The following SORCS3 variants were observed in gnomAD, a reference collection of about 807,000 sequenced individuals.
SORCS3 encodes VPS10 domain-containing receptor SorCS3.
In SORCS3, 57 loss-of-function variants were observed where a neutral mutation model predicts 146.3. The observed-to-expected ratio is 0.39, with a 90% CI of 0.31 to 0.49. SORCS3 has a LOEUF of 0.49. Among genes scored for constraint, SORCS3 ranks in the 20% least tolerant of loss-of-function variants. SORCS3 has a pLI of 0.92. For missense variants in SORCS3, 1,341 were observed against 1,575.5 expected, an observed-to-expected ratio of 0.85 and a Z score of 2.52; for synonymous variants, 653 against 618.5, an observed-to-expected ratio of 1.06 and a Z score of -0.83.
chr10:105,163,883 TACACACACACACACACAC>T (rs67886313), intron 11 of SORCS3, among the ~76,000 whole-genome samples: 4 of 138,714 alleles, frequency 2.9e-5, no homozygotes, highest in Non-Finnish European at 4.9e-5. Context: ...GTTACGCACA[TACACACACACACACACAC>T]ACACACACAC....
intron 16 of SORCS3, 131 bp downstream of exon 16, chr10:105,201,384 GC>G: frequency 8.8e-7 from 1 of 1,136,768 alleles, no homozygotes. Context: ...TGGCCTGTGG[GC>G]CCATCCATCC....
intron 26 of SORCS3, among the ~76,000 whole-genome samples, chr10:105,262,941 A>G (rs1376210261): frequency 6.6e-6 from 1 of 152,102 alleles, no homozygotes; most frequent in South Asian, 2.1e-4. Context: ...ATTCATTTCT[A>G]TTTCTGTGTA....
intron 2 of SORCS3, among the ~76,000 whole-genome samples, chr10:104,912,348 A>C (rs1240318390): frequency 6.6e-6 from 1 of 152,242 alleles, no homozygotes; most frequent in Non-Finnish European, 1.5e-5. Context: ...ACTTGGATTA[A>C]TAAAAATGCA....
chr10:104,976,758 A>G (rs1188255768), intron 3 of SORCS3, among the ~76,000 whole-genome samples: 2 of 152,240 alleles, frequency 1.3e-5, no homozygotes, highest in African/African-American at 2.4e-5. Context: ...TGTCCTTTGT[A>G]GGGACATGGA....
At chr10:104,657,452 C>G (rs1023450088) in intron 1 of SORCS3, among the ~76,000 whole-genome samples, 1 of 152,178 alleles carries the variant, frequency 6.6e-6, no homozygotes, top group Non-Finnish European at 1.5e-5. Flanking sequence ...AAGTGAGGCT[C>G]ACCTGTATTT....
intron 2 of SORCS3, among the ~76,000 whole-genome samples, chr10:104,901,134 CCAT>C (rs1057040742): frequency 3.3e-5 from 5 of 152,118 alleles, no homozygotes; most frequent in South Asian, 2.1e-4. Flanking sequence ...GACATTGTCA[CCAT>C]CATCATCATA....
intron 3 of SORCS3, among the ~76,000 whole-genome samples, chr10:104,976,719 A>T (rs1157626149): frequency 6.6e-6 from 1 of 152,270 alleles, no homozygotes; most frequent in Non-Finnish European, 1.5e-5. Context: ...ACCATGGAAT[A>T]CTATGCAGCC....
chr10:105,033,978 A>C (rs1010793137), intron 4 of SORCS3, among the ~76,000 whole-genome samples: 2 of 152,204 alleles, frequency 1.3e-5, no homozygotes, highest in African/African-American at 4.8e-5. Flanking sequence ...TCATTCAGCA[A>C]ATAGTCATTG....
intron 1 of SORCS3, among the ~76,000 whole-genome samples, chr10:104,739,087 A>G (rs1231207786): frequency 2.0e-5 from 3 of 152,192 alleles, no homozygotes; most frequent in Non-Finnish European, 2.9e-5. Flanking sequence ...AGACTCAAAC[A>G]TACACAAACC....
chr10:105,082,863 T>C (rs1423650990), intron 5 of SORCS3, among the ~76,000 whole-genome samples: 1 of 152,130 alleles, frequency 6.6e-6, no homozygotes, highest in Admixed American at 6.6e-5. Flanking sequence ...CCTGAGTAGC[T>C]GGGATTACAT....
intron 4 of SORCS3, among the ~76,000 whole-genome samples, chr10:105,032,451 T>C (rs921126327): frequency 2.0e-5 from 3 of 152,200 alleles, no homozygotes; most frequent in Admixed American, 1.3e-4. Context: ...TTTCCTTTTT[T>C]ACTCCTCTGA....
intron 3 of SORCS3, among the ~76,000 whole-genome samples, chr10:104,972,818 A>G (rs921762645): frequency 6.6e-6 from 1 of 152,072 alleles, no homozygotes; most frequent in Admixed American, 6.6e-5. Context: ...TCAGTATGAT[A>G]TTGGCTGTGG....
chr10:104,682,418 G>A (rs1213922564), intron 1 of SORCS3, among the ~76,000 whole-genome samples: 1 of 152,224 alleles, frequency 6.6e-6, no homozygotes, highest in Non-Finnish European at 1.5e-5. Flanking sequence ...TGTAAAAAGG[G>A]GTTAATGATG....
chr10:105,219,073 A>C (rs1002545653), intron 19 of SORCS3, among the ~76,000 whole-genome samples: 43 of 152,310 alleles, frequency 2.8e-4, no homozygotes, highest in African/African-American at 1.0e-3. Flanking sequence ...GGCTGTGAGA[A>C]TCAAACTGGA....
chr10:104,894,931 A>C (rs1028043958), intron 2 of SORCS3, among the ~76,000 whole-genome samples: 2 of 152,144 alleles, frequency 1.3e-5, no homozygotes, highest in African/African-American at 4.8e-5. Context: ...CTCATGGGAG[A>C]GGCTAGAGCT....
intron 4 of SORCS3, among the ~76,000 whole-genome samples, chr10:104,981,036 G>A (rs1041083501): frequency 3.3e-5 from 5 of 150,600 alleles, no homozygotes; most frequent in Non-Finnish European, 7.4e-5. Context: ...CTGCAAAGGG[G>A]TGGGGGGCAG....
At chr10:105,112,426 G>T (rs911325653) in intron 7 of SORCS3, among the ~76,000 whole-genome samples, 1 of 152,098 alleles carries the variant, frequency 6.6e-6, no homozygotes, top group Non-Finnish European at 1.5e-5. Flanking sequence ...AGAAAAGGGC[G>T]AGCTTTTTCA....
intron 20 of SORCS3, among the ~76,000 whole-genome samples, 199 bp downstream of exon 20, chr10:105,223,448 A>G (rs1330497242): frequency 6.6e-6 from 1 of 152,190 alleles, no homozygotes; most frequent in Non-Finnish European, 1.5e-5. Context: ...AAATAATCCT[A>G]AGGAAGAAAG....
intron 20 of SORCS3, among the ~76,000 whole-genome samples, chr10:105,228,598 A>T (rs899346450): frequency 4.6e-5 from 7 of 152,030 alleles, no homozygotes; most frequent in South Asian, 2.1e-4. Context: ...TTCTTCATTT[A>T]TGAAGAATAT....
Sources: allele counts gnomAD v4.1 joint callset (sites outside exome capture counted in the v4.1 genomes callset), GRCh38; gene constraint gnomAD v4.1.1; transcripts MANE v1.5; gene names NCBI Gene and HGNC (gene_info 2026-07-23, HGNC 2026-07-21).